NETO1: variants seen among roughly 807,000 people sequenced by gnomAD.
NETO1 encodes neuropilin and tolloid like 1, also known as neuropilin and tolloid-like protein 1.
Under a neutral mutation model 61.3 loss-of-function variants are expected in NETO1, and 26 were observed. That is an observed-to-expected ratio of 0.42 (90% confidence interval 0.31 to 0.59). The LOEUF is 0.59. Ranked by LOEUF, NETO1 falls within the 20% of genes least tolerant of loss-of-function variation. NETO1 has a pLI of 0.12. For missense variants in NETO1, 531 were observed against 662.8 expected (o/e 0.80, Z 2.18); for synonymous variants, 225 against 225.8 (o/e 1.00, Z 0.03).
chr18:72,777,511 G>C (rs1409082004), intron 7 of NETO1, among the ~76,000 whole-genome samples: 7 of 152,028 alleles, frequency 4.6e-5, no homozygotes, highest in Admixed American at 3.3e-4. Flanking sequence ...GGATGCCGAG[G>C]GGTTGGATCA....
At position 72,795,167 on chromosome 18, in the gene NETO1, G is replaced by C. The variant is rs114043495; in HGVS notation, c.470-763C>G. 9.2e-3 allele frequency among the ~76,000 whole-genome samples: 1,398 copies of C among 152,276 alleles called. 27 individuals carry two copies. The highest frequency in any genetic ancestry group is 0.032 in the African/African-American group (1,315 of 41,544). On this transcript the variant is annotated intron_variant, in intron 4 of 10. Coordinates refer to ENST00000327305, the MANE Select transcript of NETO1 (RefSeq NM_138966.5). ...TGTTTTCTAATGGTGAAAAGGCAAA[G>C]TGGGGGTCTCGTTCTTGTTCCTGGA...
At chr18:72,756,292 C>T (rs974817453) in intron 7 of NETO1, 145 bp from the exon 8 acceptor site, 18 of 534,708 alleles carry the variant, frequency 3.4e-5, no homozygotes, top group Admixed American at 1.3e-4. Context: ...TTTTCAGAAA[C>T]GGTGCCGTAG....
intron 4 of NETO1, among the ~76,000 whole-genome samples, chr18:72,831,237 CA>C (rs2073567814): frequency 6.6e-6 from 1 of 152,200 alleles, no homozygotes; most frequent in Non-Finnish European, 1.5e-5. Flanking sequence ...CAGTGACTAA[CA>C]CATCTGATTC....
At chr18:72,794,940 G>A (rs369276311) in intron 4 of NETO1, among the ~76,000 whole-genome samples, 13 of 152,106 alleles carry the variant, frequency 8.5e-5, no homozygotes, top group East Asian at 7.7e-4. Flanking sequence ...CTCCTTTGGC[G>A]GACTGAACAA....
chr18:72,766,599 T>C (rs1445611724), intron 7 of NETO1, among the ~76,000 whole-genome samples: 1 of 152,138 alleles, frequency 6.6e-6, no homozygotes. Flanking sequence ...TATCCAGTAT[T>C]ATCAAGATGT....
chr18:72,809,444 CTG>C (rs2072789309), intron 4 of NETO1, among the ~76,000 whole-genome samples: 1 of 152,126 alleles, frequency 6.6e-6, no homozygotes, highest in South Asian at 2.1e-4. Context: ...TTCTAAGAGA[CTG>C]GGGTAAAAAA....
chr18:72,803,772 G>T (rs1454255556), intron 4 of NETO1, among the ~76,000 whole-genome samples: 1 of 148,286 alleles, frequency 6.7e-6, no homozygotes, highest in East Asian at 2.0e-4. Context: ...AGTCAGCCGA[G>T]ATCACACCAT....
At chr18:72,761,523 C>T (rs1032374342) in intron 7 of NETO1, among the ~76,000 whole-genome samples, 4 of 151,940 alleles carry the variant, frequency 2.6e-5, no homozygotes, top group African/African-American at 9.7e-5. Flanking sequence ...TTCTAACATC[C>T]AATTGTTAAG....
intron 4 of NETO1, among the ~76,000 whole-genome samples, chr18:72,816,088 T>TC (rs1284346395): frequency 6.6e-6 from 1 of 151,500 alleles, no homozygotes; most frequent in African/African-American, 2.4e-5. Context: ...TCCCCTTCTC[T>TC]CCCCCTCTCC....
chr18:72,760,336 C>A (rs930225033), intron 7 of NETO1, among the ~76,000 whole-genome samples: 1 of 152,194 alleles, frequency 6.6e-6, no homozygotes, highest in Non-Finnish European at 1.5e-5. Context: ...AATACATATG[C>A]ATTTGTGCAA....
intron 4 of NETO1, among the ~76,000 whole-genome samples, chr18:72,808,041 G>A (rs2072737937): frequency 1.3e-5 from 2 of 152,188 alleles, no homozygotes; most frequent in South Asian, 2.1e-4. Flanking sequence ...CAGAAATGTG[G>A]TGCCAGTGCT....
chr18:72,789,761 T>C (rs2072051331), intron 6 of NETO1, among the ~76,000 whole-genome samples: 1 of 152,078 alleles, frequency 6.6e-6, no homozygotes, highest in Non-Finnish European at 1.5e-5. Context: ...CTAGAACACA[T>C]TTCTTAATCC....
At chr18:72,764,534 T>C (rs2071087336) in intron 7 of NETO1, among the ~76,000 whole-genome samples, 1 of 152,096 alleles carries the variant, frequency 6.6e-6, no homozygotes, top group Non-Finnish European at 1.5e-5. Flanking sequence ...ACAGGTCCCT[T>C]ATTTCCTCTG....
chr18:72,854,641 G>A (rs2074360720), intron 4 of NETO1, among the ~76,000 whole-genome samples: 1 of 152,204 alleles, frequency 6.6e-6, no homozygotes, highest in South Asian at 2.1e-4. Context: ...AGGCAAGGCA[G>A]TTGGCTGCAG....
intron 4 of NETO1, among the ~76,000 whole-genome samples, chr18:72,807,780 T>C (rs2072726781): frequency 6.6e-6 from 1 of 151,718 alleles, no homozygotes; most frequent in Non-Finnish European, 1.5e-5. Context: ...TGCTGGAGTT[T>C]GCACATTTGA....
At chr18:72,851,683 C>A (rs565861446) in intron 4 of NETO1, among the ~76,000 whole-genome samples, 1 of 151,920 alleles carries the variant, frequency 6.6e-6, no homozygotes, top group Admixed American at 6.6e-5. Flanking sequence ...TTGGACATTG[C>A]GAGTGGAAAA....
chr18:72,850,688 A>C (rs775985232), intron 4 of NETO1, among the ~76,000 whole-genome samples: 1 of 152,242 alleles, frequency 6.6e-6, no homozygotes, highest in African/African-American at 2.4e-5. Flanking sequence ...GAGATGCATG[A>C]AAGTTCAAAA....
chr18:72,783,557 A>T, intron 7 of NETO1, 121 bp downstream of exon 7: 1 of 764,810 alleles, frequency 1.3e-6, no homozygotes, highest in Non-Finnish European at 2.1e-6. Context: ...AGTGGTTTAA[A>T]CAACATATTA....
intron 4 of NETO1, among the ~76,000 whole-genome samples, chr18:72,813,070 CCACTTACGTGAGCTGAA>C (rs773734383): frequency 1.1e-4 from 17 of 152,154 alleles, no homozygotes; most frequent in Non-Finnish European, 2.4e-4. Flanking sequence ...AGATTCACCA[CCACTTACGTGAGCTGAA>C]TGTGAGACTG....
Sources: allele counts gnomAD v4.1 joint callset (sites outside exome capture counted in the v4.1 genomes callset), GRCh38; gene constraint gnomAD v4.1.1; transcripts MANE v1.5; gene names NCBI Gene and HGNC (gene_info 2026-07-23, HGNC 2026-07-21).